HECTD2: variants seen among roughly 807,000 people sequenced by gnomAD.
HECTD2 encodes HECT domain E3 ubiquitin protein ligase 2.
HECTD2 carries 35 observed loss-of-function variants against 103.2 expected under a neutral mutation model. The ratio of observed to expected loss-of-function variants is 0.34; its 90% confidence interval spans 0.26 to 0.45. The LOEUF is 0.45. HECTD2 is among the 20% of genes least tolerant of loss of function. The pLI is 1.00. For missense variants in HECTD2, 596 were observed against 937.4 expected (o/e 0.64, Z 4.76); for synonymous variants, 281 against 329.9 (o/e 0.85, Z 1.61).
intron 2 of HECTD2, among the ~76,000 whole-genome samples, chr10:91,454,564 T>C (rs1002129331): frequency 2.0e-5 from 3 of 151,432 alleles, no homozygotes; most frequent in Non-Finnish European, 4.4e-5. Flanking sequence ...GTTAGAAAGG[T>C]GGAAAGTGTC....
rs142831555 is a variant in HECTD2, at chr10:91,450,590, C to T, written c.269-9837C>T. ...AACTATCATCAGAGTGAAGAGGCAG[C>T]CTACAGAATGAGAGAAAATGTTTGC... On this transcript the variant is annotated intron_variant, in intron 2 of 20. Coordinates refer to ENST00000298068, the MANE Select transcript of HECTD2 (RefSeq NM_182765.6). Among the ~76,000 whole-genome samples, 31 of 151,974 alleles carry T rather than the reference C, an allele frequency of 2.0e-4. No individual in the cohort carries two copies. In the East Asian group the frequency reaches 5.8e-3, roughly 28 times the overall value.
intron 5 of HECTD2, among the ~76,000 whole-genome samples, chr10:91,476,063 G>C (rs1224803240): frequency 6.6e-6 from 1 of 152,228 alleles, no homozygotes; most frequent in African/African-American, 2.4e-5. Context: ...ATAGAGCAAA[G>C]TGGAGAAGAA....
chr10:91,440,705 C>G (rs2133111506), intron 2 of HECTD2, among the ~76,000 whole-genome samples: 1 of 91,352 alleles, frequency 1.1e-5, no homozygotes, highest in Admixed American at 1.2e-4. Flanking sequence ...TCTGTCTGGT[C>G]CTGGGCTTTT....
intron 5 of HECTD2, among the ~76,000 whole-genome samples, chr10:91,465,072 C>A (rs1845483364): frequency 6.6e-6 from 1 of 152,130 alleles, no homozygotes; most frequent in Admixed American, 6.5e-5. Context: ...ATAAACAAAT[C>A]TTTAACTTTT....
At chr10:91,420,496 G>C (rs111692040) in intron 1 of HECTD2, among the ~76,000 whole-genome samples, 9,968 of 151,624 alleles carry the variant, frequency 0.066, 879 homozygotes, top group African/African-American at 0.2. Context: ...GGCTGAGGCA[G>C]GAGAATCAGT....
chr10:91,506,583 G>A (rs1416976799), intron 20 of HECTD2, among the ~76,000 whole-genome samples: 2 of 152,104 alleles, frequency 1.3e-5, no homozygotes, highest in Non-Finnish European at 2.9e-5. Flanking sequence ...GGAAGAAGTT[G>A]AATCTCTGAA....
At chr10:91,505,998 C>A (rs547246828) in intron 20 of HECTD2, among the ~76,000 whole-genome samples, 4 of 151,522 alleles carry the variant, frequency 2.6e-5, no homozygotes, top group African/African-American at 9.8e-5. Context: ...TACATGGAAA[C>A]TGAACAACCT....
chr10:91,481,121 A>G lies in HECTD2; in HGVS notation c.693A>G (p.Ala231=), dbSNP rs1846073012. 7 of 1,530,050 alleles carry G rather than the reference A, an allele frequency of 4.6e-6. No individual in the cohort carries two copies. The East Asian group carries it at 1.4e-4, about 31-fold the overall frequency. The allele number at this position is 1,530,050 out of a possible 1,614,324, so 94.8% of individuals were successfully genotyped here. A position where few individuals can be genotyped will look rare whatever the true frequency, so the allele number is the denominator to read the frequency against. ...CACGAACAAAAGATGATCTTAGAGCATATTTTATACTTTTACAGGTAAGAG... is the reference window on the plus strand; with the variant it reads ...CACGAACAAAAGATGATCTTAGAGCGTATTTTATACTTTTACAGGTAAGAG... ...KGPRTKDDLR[A]YFILLQNPQF... The change falls in exon 7 of 21, where the codon GCA becomes GCG. Residue 231 remains alanine, a synonymous_variant. Transcript: ENST00000298068.
chr10:91,417,121 C>T (rs1220223059), intron 1 of HECTD2, among the ~76,000 whole-genome samples: 1 of 152,262 alleles, frequency 6.6e-6, no homozygotes, highest in East Asian at 1.9e-4. Flanking sequence ...CTCTGAGAAG[C>T]TTTGATTTCC....
At chr10:91,463,284 A>G (rs1845419757) in intron 5 of HECTD2, 1 of 152,156 alleles carries the variant, frequency 6.6e-6, no homozygotes, top group African/African-American at 2.4e-5. Context: ...TTAAGAAAAA[A>G]TAAGGAAGAT....
intron 1 of HECTD2, 48 bp downstream of exon 1, chr10:91,410,624 G>T: frequency 7.6e-7 from 1 of 1,321,690 alleles, no homozygotes; most frequent in Non-Finnish European, 9.7e-7. Flanking sequence ...GCGGGAGTTG[G>T]GAGGGACGGC....
At chr10:91,494,000 T>C (rs911319444) in intron 14 of HECTD2, among the ~76,000 whole-genome samples, 7 of 152,030 alleles carry the variant, frequency 4.6e-5, no homozygotes, top group African/African-American at 1.7e-4. Context: ...TATTATTTTA[T>C]AGTATTTTTA....
chr10:91,416,959 A>C (rs954916720), intron 1 of HECTD2, among the ~76,000 whole-genome samples: 3 of 152,198 alleles, frequency 2.0e-5, no homozygotes, highest in Non-Finnish European at 1.5e-5. Flanking sequence ...AAGGGAAAAG[A>C]AAGAGCCTTC....
At chr10:91,469,994 A>G (rs1414931297) in intron 5 of HECTD2, among the ~76,000 whole-genome samples, 1 of 152,242 alleles carries the variant, frequency 6.6e-6, no homozygotes, top group Non-Finnish European at 1.5e-5. Context: ...ATAATGGTAT[A>G]GAGTTCAGTT....
intron 2 of HECTD2, among the ~76,000 whole-genome samples, chr10:91,428,465 G>A (rs936862835): frequency 5.3e-4 from 81 of 152,018 alleles, no homozygotes; most frequent in South Asian, 2.3e-3. Context: ...AATTACCTTG[G>A]GCAGTATGGC....
At chr10:91,500,386 G>T in intron 18 of HECTD2, 116 bp from the exon 19 acceptor site, 57 of 448,880 alleles carry the variant, frequency 1.3e-4, no homozygotes, top group East Asian at 2.0e-4. Flanking sequence ...AACAAAAATG[G>T]TTTGATTTAC....
At chr10:91,416,857 C>G (rs962347102) in intron 1 of HECTD2, among the ~76,000 whole-genome samples, 1 of 152,096 alleles carries the variant, frequency 6.6e-6, no homozygotes, top group Non-Finnish European at 1.5e-5. Context: ...TCCTTCCCAC[C>G]ACCCCACCAC....
intron 20 of HECTD2, among the ~76,000 whole-genome samples, chr10:91,503,986 C>G (rs1157124901): frequency 6.6e-6 from 1 of 152,180 alleles, no homozygotes; most frequent in Non-Finnish European, 1.5e-5. Context: ...CCCGAGCAGC[C>G]TAACTGGGAG....
chr10:91,458,553 G>A (rs1322088161), intron 2 of HECTD2, among the ~76,000 whole-genome samples: 1 of 151,970 alleles, frequency 6.6e-6, no homozygotes, highest in Non-Finnish European at 1.5e-5. Flanking sequence ...ATCATACTGA[G>A]ATAACCATGG....
Sources: gnomAD v4.1 joint callset for allele counts (sites outside exome capture counted in the v4.1 genomes callset) on GRCh38, gnomAD v4.1.1 for gene constraint, MANE v1.5 for transcripts, NCBI Gene and HGNC (gene_info 2026-07-23, HGNC 2026-07-21) for gene names.